ENTPD3: variants seen among roughly 807,000 people sequenced by gnomAD.
ENTPD3 encodes the protein ectonucleoside triphosphate diphosphohydrolase 3.
Under a neutral mutation model 51.2 loss-of-function variants are expected in ENTPD3, and 60 were observed. That is an observed-to-expected ratio of 1.17 (90% CI 0.95 to 1.45). ENTPD3 has a LOEUF of 1.45. Among genes scored for constraint, ENTPD3 ranks in the 40% most tolerant of loss-of-function variants. ENTPD3 has a pLI of 0.00. For synonymous variants in ENTPD3, 221 were observed against 238.4 expected (o/e 0.93, Z 0.67); for missense variants, 593 against 641.1 (o/e 0.93, Z 0.81).
intron 2 of ENTPD3, among the ~76,000 whole-genome samples, chr3:40,390,612 T>C (rs559503295): frequency 1.2e-4 from 18 of 152,372 alleles, no homozygotes; most frequent in African/African-American, 3.8e-4. Context: ...AAGTTGGGTG[T>C]TCTTGCCTTC....
intron 4 of ENTPD3, among the ~76,000 whole-genome samples, chr3:40,409,596 T>C (rs531782647): frequency 5.9e-5 from 9 of 152,294 alleles, no homozygotes; most frequent in African/African-American, 2.2e-4. Context: ...TTTGTGGTAG[T>C]TGGAAGATGG....
chr3:40,426,107 C>CTTTTTTTT (rs35267876), intron 10 of ENTPD3, among the ~76,000 whole-genome samples: 11 of 112,448 alleles, frequency 9.8e-5, no homozygotes, highest in South Asian at 3.0e-4. Context: ...TTTTTCTTTT[C>CTTTTTTTT]TTTTTTTTTT....
chr3:40,394,950 C>T (rs934374539), intron 3 of ENTPD3, among the ~76,000 whole-genome samples: 1 of 152,186 alleles, frequency 6.6e-6, no homozygotes, highest in Non-Finnish European at 1.5e-5. Flanking sequence ...CCCATGTTTC[C>T]CCTTCTAGAA....
intron 4 of ENTPD3, among the ~76,000 whole-genome samples, chr3:40,406,307 G>T (rs1004760948): frequency 6.6e-6 from 1 of 152,168 alleles, no homozygotes; most frequent in Non-Finnish European, 1.5e-5. Flanking sequence ...AAAAGCCAAG[G>T]GGCCAGTGTG....
rs1402668644 is a variant in ENTPD3, at chr3:40,424,798, G to A, written c.1353+835G>A. 5 of 701,612 alleles carry A rather than the reference G, an allele frequency of 7.1e-6. No individual in the cohort carries two copies. The Admixed American group carries it at 8.0e-5, about 11-fold the overall frequency. 43.5% of individuals were successfully genotyped at this position (701,612 alleles called of 1,614,324 possible). A position where few individuals can be genotyped will look rare whatever the true frequency, so the allele number is the denominator to read the frequency against. ...CTGATATGAAGCCTGAAGGATGTCT[G>A]GAGTCAGCCTGTTCAATACCAGCTT... is the stretch of plus-strand genomic sequence containing the variant. On this transcript the variant is annotated intron_variant, in intron 10 of 10. Transcript: ENST00000301825.
At chr3:40,401,048 A>AC (rs1253084177) in intron 4 of ENTPD3, 37 bp downstream of exon 4, 1 of 1,483,364 alleles carries the variant, frequency 6.7e-7, no homozygotes, top group South Asian at 1.1e-5. Context: ...CACAATGGGC[A>AC]GCAAGGTAGA....
intron 10 of ENTPD3, among the ~76,000 whole-genome samples, chr3:40,426,255 C>G (rs924599692): frequency 6.6e-6 from 1 of 151,670 alleles, no homozygotes; most frequent in South Asian, 2.1e-4. Flanking sequence ...ATTACAGGCA[C>G]CCACCATCAT....
chr3:40,417,520 A>G (rs942047791), intron 7 of ENTPD3, among the ~76,000 whole-genome samples: 3 of 151,924 alleles, frequency 2.0e-5, no homozygotes, highest in Non-Finnish European at 4.4e-5. Flanking sequence ...ATCCACCCCC[A>G]TGCCCCAATC....
intron 2 of ENTPD3, among the ~76,000 whole-genome samples, chr3:40,389,150 C>T (rs759980535): frequency 6.6e-6 from 1 of 152,190 alleles, no homozygotes; most frequent in Non-Finnish European, 1.5e-5. Flanking sequence ...CAGATTGTAA[C>T]GTCACTCATA....
chr3:40,404,518 T>C (rs1242455376), intron 4 of ENTPD3, among the ~76,000 whole-genome samples: 1 of 152,170 alleles, frequency 6.6e-6, no homozygotes, highest in Non-Finnish European at 1.5e-5. Flanking sequence ...GGAGGTGTTA[T>C]GGCAGTCCCT....
Position 40,423,139 on chromosome 3 carries a change from C to A in ENTPD3, c.1104+17C>A, listed in dbSNP as rs554340387. 6.3e-7 allele frequency: 1 copy of A among 1,599,618 alleles called. No individual in the cohort carries two copies. Among genetic ancestry groups the A allele is most frequent in the Non-Finnish European group, 8.5e-7 (1 of 1,172,104 alleles). ...CCATTTGTGGTAAGAGCAAAACCTTCTGAAAGATTCCTTTCCCCATTGAAT... is the reference window on the plus strand; with the variant it reads ...CCATTTGTGGTAAGAGCAAAACCTTATGAAAGATTCCTTTCCCCATTGAAT... On this transcript the variant is annotated intron_variant, in intron 8 of 10. Coordinates refer to ENST00000301825, the MANE Select transcript of ENTPD3 (RefSeq NM_001248.4).
intron 4 of ENTPD3, among the ~76,000 whole-genome samples, chr3:40,401,537 G>A (rs1040180850): frequency 3.3e-5 from 5 of 152,172 alleles, no homozygotes; most frequent in African/African-American, 1.2e-4. Context: ...TGCTGTGGAG[G>A]GAAACACAAG....
At chr3:40,390,941 T>C (rs912553210) in intron 2 of ENTPD3, 1 of 152,278 alleles carries the variant, frequency 6.6e-6, no homozygotes, top group Admixed American at 6.5e-5. Context: ...CATTTCAGTA[T>C]AGTATAGTAC....
At chr3:40,421,836 G>T (rs144737125) in intron 7 of ENTPD3, among the ~76,000 whole-genome samples, 218 of 152,246 alleles carry the variant, frequency 1.4e-3, no homozygotes, top group African/African-American at 5.1e-3. Context: ...ATATATATTT[G>T]CATGTGCATG....
At chr3:40,424,262 G>T in intron 10 of ENTPD3, 1 of 620,574 alleles carries the variant, frequency 1.6e-6, no homozygotes. Flanking sequence ...ACAAGGAATA[G>T]AGCCTAGAAG....
chr3:40,427,663 A>G lies in ENTPD3; in HGVS notation c.*155A>G, dbSNP rs528797640. ...CTCAAATACTGATTTCTGCCACAGCACCTCTTGAGGCATCCCTTGGCTATT... is the reference window on the plus strand; with the variant it reads ...CTCAAATACTGATTTCTGCCACAGCGCCTCTTGAGGCATCCCTTGGCTATT... On this transcript the variant is annotated 3_prime_UTR_variant, in exon 11 of 11. Transcript: ENST00000301825. 83 of 629,516 alleles carry G rather than the reference A, an allele frequency of 1.3e-4. No homozygotes were observed. The highest frequency in any genetic ancestry group is 2.0e-4 in the Non-Finnish European group (72 of 353,450). The allele number at this position is 629,516 out of a possible 1,614,324, so 39.0% of individuals were successfully genotyped here.
chr3:40,423,507 T>A, intron 9 of ENTPD3, 106 bp downstream of exon 9: 2 of 839,072 alleles, frequency 2.4e-6, no homozygotes, highest in Non-Finnish European at 3.8e-6. Context: ...TCTATTTCCA[T>A]CACATCTGTA....
intron 5 of ENTPD3, 70 bp downstream of exon 5, chr3:40,412,032 A>G (rs1955645492): frequency 2.1e-6 from 3 of 1,398,354 alleles, no homozygotes; most frequent in Non-Finnish European, 2.8e-6. Context: ...TCTTGCCAAG[A>G]ATGTAACTCT....
chr3:40,393,704 C>T (rs906781896), intron 3 of ENTPD3, among the ~76,000 whole-genome samples: 3 of 151,810 alleles, frequency 2.0e-5, no homozygotes, highest in Non-Finnish European at 4.4e-5. Flanking sequence ...AGCAAATTAC[C>T]CAGTTGTCCA....
Sources: gnomAD v4.1 joint callset for allele counts (sites outside exome capture counted in the v4.1 genomes callset) on GRCh38, gnomAD v4.1.1 for gene constraint, MANE v1.5 for transcripts, NCBI Gene and HGNC (gene_info 2026-07-23, HGNC 2026-07-21) for gene names.